ADARB2: variants seen among roughly 807,000 people sequenced by gnomAD.
The protein encoded by ADARB2 is adenosine deaminase RNA specific B2 (inactive), also known as inactive double-stranded RNA-specific editase B2.
In ADARB2, 25 loss-of-function variants were observed where a neutral mutation model predicts 62.2. That is an observed-to-expected ratio of 0.40 (90% CI 0.29 to 0.56). The LOEUF is 0.56. Among genes scored for constraint, ADARB2 ranks in the 20% least tolerant of loss-of-function variants. The pLI is 0.43. For synonymous variants in ADARB2, 572 were observed against 500.8 expected, an observed-to-expected ratio of 1.14 and a Z score of -1.90; for missense variants, 1,071 against 1,077.4, an observed-to-expected ratio of 0.99 and a Z score of 0.08.
intron 1 of ADARB2, among the ~76,000 whole-genome samples, chr10:1,634,078 C>T (rs1001365769): frequency 2.6e-5 from 4 of 152,158 alleles, no homozygotes; most frequent in African/African-American, 9.7e-5. Flanking sequence ...GGCCCCTCTC[C>T]CACCCTCGCC....
chr10:1,668,773 A>C (rs1314021242), intron 1 of ADARB2, among the ~76,000 whole-genome samples: 1 of 152,194 alleles, frequency 6.6e-6, no homozygotes. Flanking sequence ...TTATTAATGG[A>C]AGGAGAAGGG....
At chr10:1,475,239 G>C (rs754235341) in intron 1 of ADARB2, among the ~76,000 whole-genome samples, 5 of 152,210 alleles carry the variant, frequency 3.3e-5, no homozygotes, top group Non-Finnish European at 5.9e-5. Flanking sequence ...TGCTGCTCTA[G>C]GGGCTTAGGT....
At chr10:1,519,204 C>T (rs1395568330) in intron 1 of ADARB2, among the ~76,000 whole-genome samples, 2 of 151,838 alleles carry the variant, frequency 1.3e-5, no homozygotes, top group Non-Finnish European at 2.9e-5. Flanking sequence ...CGCCTATATT[C>T]CATGTAACGT....
intron 1 of ADARB2, among the ~76,000 whole-genome samples, chr10:1,472,871 G>A (rs552674112): frequency 5.9e-5 from 9 of 152,308 alleles, no homozygotes; most frequent in African/African-American, 2.2e-4. Flanking sequence ...GTGCCATCAG[G>A]TGGCTGTCAG....
chr10:1,492,015 A>G (rs1831628408), intron 1 of ADARB2, among the ~76,000 whole-genome samples: 1 of 152,220 alleles, frequency 6.6e-6, no homozygotes, highest in South Asian at 2.1e-4. Flanking sequence ...TGATAAGATC[A>G]TTTTTGTGAT....
chr10:1,613,432 G>T (rs924049195), intron 1 of ADARB2, among the ~76,000 whole-genome samples: 3 of 152,150 alleles, frequency 2.0e-5, no homozygotes, highest in Non-Finnish European at 4.4e-5. Flanking sequence ...ACATTCTTCA[G>T]TCCTCAGGAT....
At chr10:1,213,236 G>C (rs955271280) in intron 7 of ADARB2, among the ~76,000 whole-genome samples, 2 of 151,974 alleles carry the variant, frequency 1.3e-5, no homozygotes, top group African/African-American at 4.8e-5. Context: ...AAGAGACAGA[G>C]AGACAAGGAC....
chr10:1,440,350 T>C (rs932263746), intron 1 of ADARB2, among the ~76,000 whole-genome samples: 1 of 152,006 alleles, frequency 6.6e-6, no homozygotes, highest in Non-Finnish European at 1.5e-5. Context: ...CCTCATGGTG[T>C]GGACCGTGTC....
intron 1 of ADARB2, among the ~76,000 whole-genome samples, chr10:1,625,095 T>C (rs530646733): frequency 8.5e-5 from 13 of 152,360 alleles, no homozygotes; most frequent in African/African-American, 3.1e-4. Context: ...CTGTTCAGAA[T>C]TGGCCAAACA....
chr10:1,230,807 A>G (rs995759388), intron 6 of ADARB2, among the ~76,000 whole-genome samples: 1 of 152,164 alleles, frequency 6.6e-6, no homozygotes, highest in African/African-American at 2.4e-5. Flanking sequence ...CACCAGCCCA[A>G]TGCAGAGGCA....
intron 3 of ADARB2, among the ~76,000 whole-genome samples, chr10:1,273,994 C>T (rs986850160): frequency 6.6e-6 from 1 of 152,290 alleles, no homozygotes; most frequent in Non-Finnish European, 1.5e-5. Context: ...TCATCCTCAC[C>T]GGCCCTGCAG....
At chr10:1,587,352 G>C (rs1726938166) in intron 1 of ADARB2, among the ~76,000 whole-genome samples, 1 of 152,186 alleles carries the variant, frequency 6.6e-6, no homozygotes, top group African/African-American at 2.4e-5. Flanking sequence ...TGAGGTTCCA[G>C]TCCTCATCCA....
chr10:1,665,284 C>A (rs1165060987), intron 1 of ADARB2, among the ~76,000 whole-genome samples: 2 of 152,252 alleles, frequency 1.3e-5, no homozygotes, highest in African/African-American at 4.8e-5. Flanking sequence ...AAAAGCTTCA[C>A]CGCCGTTTCC....
At chr10:1,687,567 A>G (rs1378469150) in intron 1 of ADARB2, among the ~76,000 whole-genome samples, 1 of 151,704 alleles carries the variant, frequency 6.6e-6, no homozygotes, top group Non-Finnish European at 1.5e-5. Context: ...GATTGATTTT[A>G]TAAGAGATTA....
intron 1 of ADARB2, among the ~76,000 whole-genome samples, chr10:1,611,314 G>T (rs1326441344): frequency 6.6e-6 from 1 of 152,158 alleles, no homozygotes; most frequent in Non-Finnish European, 1.5e-5. Flanking sequence ...GCTGAAATCT[G>T]TAATACTCAG....
At chr10:1,692,033 G>A (rs1016700752) in intron 1 of ADARB2, among the ~76,000 whole-genome samples, 2 of 152,324 alleles carry the variant, frequency 1.3e-5, no homozygotes, top group Admixed American at 6.5e-5. Context: ...GCACAGCACA[G>A]TGCCTGGCAT....
At chr10:1,429,031 C>G (rs1375452272) in intron 1 of ADARB2, among the ~76,000 whole-genome samples, 1 of 150,138 alleles carries the variant, frequency 6.7e-6, no homozygotes, top group Non-Finnish European at 1.5e-5. Flanking sequence ...TGGGTGGGGG[C>G]ACCAGTGTCT....
chr10:1,368,326 T>G (rs1031593366), intron 2 of ADARB2, among the ~76,000 whole-genome samples: 1 of 151,846 alleles, frequency 6.6e-6, no homozygotes, highest in African/African-American at 2.4e-5. Flanking sequence ...GAGTCGGCCG[T>G]GAGGGAACAT....
intron 1 of ADARB2, among the ~76,000 whole-genome samples, chr10:1,670,668 C>T (rs1834372669): frequency 6.6e-6 from 1 of 152,332 alleles, no homozygotes; most frequent in South Asian, 2.1e-4. Flanking sequence ...TGAAGCTCAA[C>T]GCTTACTGTC....
Sources: allele counts gnomAD v4.1 joint callset (sites outside exome capture counted in the v4.1 genomes callset), GRCh38; gene constraint gnomAD v4.1.1; transcripts MANE v1.5; gene names NCBI Gene and HGNC (gene_info 2026-07-23, HGNC 2026-07-21).